The following ARHGAP24 variants were observed in gnomAD, a reference collection of about 807,000 sequenced individuals.
ARHGAP24 encodes rho GTPase-activating protein 24.
Under a neutral mutation model 76.4 loss-of-function variants are expected in ARHGAP24, and 50 were observed. The ratio of observed to expected loss-of-function variants is 0.65; its 90% CI spans 0.52 to 0.83. The LOEUF (loss-of-function observed/expected upper bound fraction) is 0.83, where lower values mean the gene tolerates loss of function less well. Among genes scored for constraint, ARHGAP24 ranks in the 40% least tolerant of loss-of-function variants. The pLI is 0.00. For synonymous variants in ARHGAP24, 345 were observed against 323.3 expected (o/e 1.07, Z -0.72); for missense variants, 930 against 914.2 (o/e 1.02, Z -0.22).
intron 3 of ARHGAP24, among the ~76,000 whole-genome samples, chr4:85,792,599 G>A (rs1207012251): frequency 1.3e-5 from 2 of 151,968 alleles, no homozygotes; most frequent in Admixed American, 1.3e-4. Flanking sequence ...CCAGCCTATG[G>A]ACTCTCCTTT....
At chr4:85,747,217 C>T (rs961992013) in intron 3 of ARHGAP24, among the ~76,000 whole-genome samples, 24 of 152,072 alleles carry the variant, frequency 1.6e-4, no homozygotes, top group African/African-American at 3.1e-4. Context: ...CATCAGTTTA[C>T]GTTTCACTTA....
intron 3 of ARHGAP24, among the ~76,000 whole-genome samples, chr4:85,815,176 G>C (rs558581365): frequency 6.6e-6 from 1 of 152,316 alleles, no homozygotes; most frequent in South Asian, 2.1e-4. Flanking sequence ...CTCCAGGACT[G>C]TGATGGGAGG....
chr4:85,596,942 A>G (rs1719858326), intron 2 of ARHGAP24, among the ~76,000 whole-genome samples: 1 of 152,112 alleles, frequency 6.6e-6, no homozygotes, highest in African/African-American at 2.4e-5. Flanking sequence ...TTTAAAAAAA[A>G]TTACTTTAAA....
intron 2 of ARHGAP24, among the ~76,000 whole-genome samples, chr4:85,580,621 A>G (rs1164985495): frequency 1.3e-5 from 2 of 152,104 alleles, no homozygotes; most frequent in African/African-American, 4.8e-5. Flanking sequence ...TCTTTTGTCT[A>G]TTACTCAAGG....
intron 2 of ARHGAP24, among the ~76,000 whole-genome samples, chr4:85,673,356 A>G (rs571730261): frequency 7.9e-5 from 12 of 152,252 alleles, no homozygotes; most frequent in South Asian, 6.2e-4. Flanking sequence ...AGTTTATTGT[A>G]TAATACTTAA....
intron 6 of ARHGAP24, among the ~76,000 whole-genome samples, chr4:85,973,083 G>A (rs1226395208): frequency 3.3e-5 from 5 of 152,134 alleles, no homozygotes; most frequent in Non-Finnish European, 5.9e-5. Flanking sequence ...ATACCTAGAA[G>A]GTAGAATTGT....
intron 2 of ARHGAP24, among the ~76,000 whole-genome samples, chr4:85,671,037 G>A (rs1012726805): frequency 6.6e-6 from 1 of 152,146 alleles, no homozygotes; most frequent in Non-Finnish European, 1.5e-5. Flanking sequence ...TGACCTACGA[G>A]ATAAATCTAA....
intron 3 of ARHGAP24, among the ~76,000 whole-genome samples, chr4:85,789,220 TA>T (rs35635619): frequency 0.021 from 2,752 of 128,288 alleles, 42 homozygotes; most frequent in African/African-American, 0.04. Flanking sequence ...GAACCTCCAT[TA>T]AAAAAAAAAA....
At chr4:85,630,125 C>T (rs191039989) in intron 2 of ARHGAP24, among the ~76,000 whole-genome samples, 36 of 151,994 alleles carry the variant, frequency 2.4e-4, no homozygotes, top group South Asian at 1.0e-3. Flanking sequence ...ACTGAGTCTG[C>T]GGTTGAATCT....
At chr4:85,697,368 C>A (rs539494326) in intron 2 of ARHGAP24, among the ~76,000 whole-genome samples, 7 of 152,232 alleles carry the variant, frequency 4.6e-5, no homozygotes, top group African/African-American at 1.4e-4. Context: ...ATGAACTCAT[C>A]ATTTTTTATG....
chr4:85,509,819 A>C (rs1160834413), intron 1 of ARHGAP24, among the ~76,000 whole-genome samples: 1 of 152,126 alleles, frequency 6.6e-6, no homozygotes, highest in East Asian at 1.9e-4. Flanking sequence ...TTATATTTAT[A>C]ATATGTAATA....
chr4:85,833,882 T>C (rs767566581), intron 3 of ARHGAP24, among the ~76,000 whole-genome samples: 1 of 152,246 alleles, frequency 6.6e-6, no homozygotes, highest in Non-Finnish European at 1.5e-5. Context: ...AGAAATATTT[T>C]ACATTAGTTA....
intron 3 of ARHGAP24, among the ~76,000 whole-genome samples, chr4:85,836,672 T>C (rs1730308362): frequency 6.6e-6 from 1 of 152,208 alleles, no homozygotes; most frequent in African/African-American, 2.4e-5. Context: ...CTGAGGAACA[T>C]AATTCAACCC....
intron 1 of ARHGAP24, among the ~76,000 whole-genome samples, chr4:85,496,920 A>G (rs995542576): frequency 1.1e-4 from 16 of 152,292 alleles, no homozygotes; most frequent in African/African-American, 3.6e-4. Flanking sequence ...GAATGAACCA[A>G]AAAAAAGTCA....
chr4:85,700,211 A>G (rs1186531919), intron 2 of ARHGAP24, among the ~76,000 whole-genome samples: 1 of 152,048 alleles, frequency 6.6e-6, no homozygotes, highest in Non-Finnish European at 1.5e-5. Flanking sequence ...CCTGGCCAAC[A>G]TGGTGAAACC....
chr4:85,858,742 C>G (rs1486133408), intron 3 of ARHGAP24, among the ~76,000 whole-genome samples: 1 of 151,982 alleles, frequency 6.6e-6, no homozygotes, highest in Non-Finnish European at 1.5e-5. Context: ...GGATGCATTC[C>G]AGGCAGAGGA....
chr4:85,884,180 C>G (rs940733580), intron 3 of ARHGAP24, among the ~76,000 whole-genome samples: 13 of 152,176 alleles, frequency 8.5e-5, no homozygotes, highest in African/African-American at 3.1e-4. Context: ...ATTGGCAATT[C>G]CAGTTTATTT....
Position 85,677,367 on chromosome 4 carries a change from GGCACACAGCCGGTACCTCCCT to G in ARHGAP24, c.181-44515_181-44495del, listed in dbSNP as rs1312182744. Among the ~76,000 whole-genome samples, 3 of 152,300 alleles carry G rather than the reference GGCACACAGCCGGTACCTCCCT, an allele frequency of 2.0e-5. No individual in the cohort carries two copies. The East Asian group carries it at 5.8e-4, about 29-fold the overall frequency. On this transcript the variant is annotated intron_variant, in intron 2 of 9. Transcript: ENST00000395184. ...TCAAGTTTGCTACCCAACCTAGTTA[GGCACACAGCCGGTACCTCCCT>G]GCTGTCCCTTAGAGTGACAGCCAGG... is the stretch of plus-strand genomic sequence containing the variant.
intron 2 of ARHGAP24, among the ~76,000 whole-genome samples, chr4:85,575,789 A>G (rs1727346105): frequency 6.6e-6 from 1 of 152,202 alleles, no homozygotes; most frequent in African/African-American, 2.4e-5. Flanking sequence ...GTAGCATATT[A>G]TTACTTAAAT....
Sources: allele counts gnomAD v4.1 joint callset (sites outside exome capture counted in the v4.1 genomes callset), GRCh38; gene constraint gnomAD v4.1.1; transcripts MANE v1.5; gene names NCBI Gene and HGNC (gene_info 2026-07-23, HGNC 2026-07-21).